The following TENM3 variants were observed in gnomAD, a reference collection of about 807,000 sequenced individuals.
TENM3 encodes the protein teneurin-3.
Under a neutral mutation model 255.1 loss-of-function variants are expected in TENM3, and 63 were observed. The ratio of observed to expected loss-of-function variants is 0.25; its 90% CI spans 0.20 to 0.30. The LOEUF (loss-of-function observed/expected upper bound fraction) is 0.30. TENM3 is among the 10% of genes least tolerant of loss of function. The pLI is 1.00. For synonymous variants in TENM3, 1,306 were observed against 1,322.3 expected, an observed-to-expected ratio of 0.99 and a Z score of 0.27; for missense variants, 2,929 against 3,461.1, an observed-to-expected ratio of 0.85 and a Z score of 3.86.
chr4:181,882,113 A>T, the TENM3 span, among the ~76,000 whole-genome samples: 1 of 152,262 alleles, frequency 6.6e-6, no homozygotes, highest in African/African-American at 2.4e-5. Flanking sequence ...AGGGCTTCTG[A>T]GTCCCCCCCG....
intron 3 of TENM3, among the ~76,000 whole-genome samples, chr4:182,375,285 A>C (rs750334356): frequency 6.6e-6 from 1 of 151,978 alleles, no homozygotes; most frequent in Non-Finnish European, 1.5e-5. Context: ...TTAGGCTTCT[A>C]AGTCCATTCC....
chr4:182,255,118 T>A (rs1466055680), intron 1 of TENM3, among the ~76,000 whole-genome samples: 1 of 152,182 alleles, frequency 6.6e-6, no homozygotes, highest in East Asian at 1.9e-4. Context: ...GTATATGATT[T>A]AAATTTTAGA....
At chr4:182,591,291 A>G (rs1746623036) in intron 3 of TENM3, among the ~76,000 whole-genome samples, 1 of 152,198 alleles carries the variant, frequency 6.6e-6, no homozygotes, top group South Asian at 2.1e-4. Flanking sequence ...TCAGACTTTG[A>G]TTATTTCTTC....
chr4:182,298,439 A>G (rs1001007884), intron 1 of TENM3, among the ~76,000 whole-genome samples: 1 of 152,318 alleles, frequency 6.6e-6, no homozygotes, highest in East Asian at 1.9e-4. Context: ...TGCCCCACCT[A>G]CAGTGGGGAA....
At chr4:181,802,390 G>A in the TENM3 span, among the ~76,000 whole-genome samples, 1,011 of 152,224 alleles carry the variant, frequency 6.6e-3, 9 homozygotes, top group African/African-American at 0.022. Context: ...CCCATAAAAC[G>A]TGTTGTGTTC....
intron 3 of TENM3, among the ~76,000 whole-genome samples, chr4:182,546,850 A>T (rs11942978): frequency 4.6e-5 from 7 of 152,162 alleles, no homozygotes; most frequent in African/African-American, 1.7e-4. Context: ...GCCTTGCTGT[A>T]GTTAGCAGAG....
the TENM3 span, among the ~76,000 whole-genome samples, chr4:181,487,947 G>T: frequency 0.033 from 5,050 of 152,256 alleles, 287 homozygotes; most frequent in East Asian, 0.17. Context: ...AACTCTAGAG[G>T]TAATAATGAC....
intron 3 of TENM3, among the ~76,000 whole-genome samples, chr4:182,528,613 CA>C (rs1416472481): frequency 1.3e-5 from 2 of 152,122 alleles, no homozygotes; most frequent in Non-Finnish European, 2.9e-5. Flanking sequence ...TTTATTACAA[CA>C]GTTTATTACG....
chr4:182,398,173 C>T (rs562007035), intron 3 of TENM3, among the ~76,000 whole-genome samples: 2 of 152,218 alleles, frequency 1.3e-5, no homozygotes, highest in African/African-American at 2.4e-5. Context: ...GGATCGCTCG[C>T]GTGGAGGGGA....
At position 182,367,283 on chromosome 4, in the gene TENM3, T is replaced by C. The variant is rs139243499; in HGVS notation, c.511+20354T>C. 4.7e-3 allele frequency among the ~76,000 whole-genome samples: 722 copies of C among 152,246 alleles called. 1 individual carries two copies. The highest frequency in any genetic ancestry group is 0.016 in the African/African-American group (683 of 41,538). ...AGCATTGTAAGGAGGCCACCCGATC[T>C]GGAGAGATCCTCTTGGGAAACCATG... is the stretch of plus-strand genomic sequence containing the variant. On this transcript the variant is annotated intron_variant, in intron 3 of 27. Coordinates refer to ENST00000511685, the MANE Select transcript of TENM3 (RefSeq NM_001080477.4).
intron 1 of TENM3, among the ~76,000 whole-genome samples, chr4:182,281,452 A>G (rs1760378518): frequency 1.3e-5 from 2 of 152,308 alleles, no homozygotes; most frequent in South Asian, 4.1e-4. Flanking sequence ...CAATACTACC[A>G]TAGTCTCTTT....
In TENM3 at chr4:182,753,480, A is replaced by G. The variant is rs751207827; in HGVS notation, c.3893A>G (p.Tyr1298Cys). 2 of 1,613,882 alleles carry G rather than the reference A, an allele frequency of 1.2e-6. No individual in the cohort carries two copies. The highest frequency in any genetic ancestry group is 1.7e-6 in the Non-Finnish European group (2 of 1,179,786). The change falls in exon 21 of 28, where the codon TAC becomes TGC. Residue 1298 changes from tyrosine (Y) to cysteine (C), a missense_variant. Coordinates refer to ENST00000511685, the MANE Select transcript of TENM3 (RefSeq NM_001080477.4). ...GCAGTTGATAAGAATGGATTAATCT[A>G]CTTTGTTGATGGAACCATGATTAGG... ...GMAVDKNGLI[Y>C]FVDGTMIRKV...
the TENM3 span, among the ~76,000 whole-genome samples, chr4:181,660,151 G>A: frequency 0.018 from 2,720 of 151,976 alleles, 39 homozygotes; most frequent in Admixed American, 0.041. Flanking sequence ...TTCCTAATTC[G>A]CTCTATACTG....
At chr4:182,249,890 G>A (rs1377700702) in intron 1 of TENM3, among the ~76,000 whole-genome samples, 1 of 151,876 alleles carries the variant, frequency 6.6e-6, no homozygotes, top group African/African-American at 2.4e-5. Flanking sequence ...AGCCTCCCGA[G>A]TAGCTGAGAC....
the TENM3 span, among the ~76,000 whole-genome samples, chr4:181,601,543 A>G: frequency 1.3e-5 from 2 of 152,234 alleles, no homozygotes; most frequent in Admixed American, 6.5e-5. Flanking sequence ...TCCTCTTCTT[A>G]TAAGGACATT....
chr4:182,571,224 T>C (rs2152019118), intron 3 of TENM3, among the ~76,000 whole-genome samples: 1 of 152,220 alleles, frequency 6.6e-6, no homozygotes, highest in African/African-American at 2.4e-5. Context: ...TTGTAAAACT[T>C]TTTTTAAAAC....
chr4:182,219,524 G>T (rs1235546318), intron 1 of TENM3, among the ~76,000 whole-genome samples: 1 of 151,986 alleles, frequency 6.6e-6, no homozygotes, highest in Non-Finnish European at 1.5e-5. Flanking sequence ...AATTAGCCAG[G>T]CGTAGTGTTG....
intron 1 of TENM3, among the ~76,000 whole-genome samples, chr4:182,232,405 A>T (rs533522834): frequency 2.7e-4 from 41 of 152,310 alleles, no homozygotes; most frequent in South Asian, 1.0e-3. Context: ...TGTACACCTA[A>T]CAAACTGGTG....
chr4:181,787,976 C>T, the TENM3 span, among the ~76,000 whole-genome samples: 1 of 152,118 alleles, frequency 6.6e-6, no homozygotes, highest in Non-Finnish European at 1.5e-5. Flanking sequence ...CAGAGTGAGA[C>T]CTTGTGTCAA....
Sources: allele counts gnomAD v4.1 joint callset (sites outside exome capture counted in the v4.1 genomes callset), GRCh38; gene constraint gnomAD v4.1.1; transcripts MANE v1.5; gene names NCBI Gene and HGNC (gene_info 2026-07-23, HGNC 2026-07-21).